The following GSE1 variants were observed in gnomAD, a reference collection of about 807,000 sequenced individuals.
The protein encoded by GSE1 is genetic suppressor element 1.
GSE1 carries 32 observed loss-of-function variants against 112.6 expected under a neutral mutation model. That is an observed-to-expected ratio of 0.28 (90% confidence interval 0.21 to 0.38). The LOEUF (loss-of-function observed/expected upper bound fraction) is 0.38. Ranked by LOEUF, GSE1 falls within the 10% of genes least tolerant of loss-of-function variation. GSE1 has a pLI of 1.00. For synonymous variants in GSE1, 1,115 were observed against 735.6 expected, an observed-to-expected ratio of 1.52 and a Z score of -8.35; for missense variants, 2,348 against 1,699.2, an observed-to-expected ratio of 1.38 and a Z score of -6.71.
At chr16:85,388,753 T>C (rs980038535) in intron 2 of GSE1, among the ~76,000 whole-genome samples, 1 of 151,848 alleles carries the variant, frequency 6.6e-6, no homozygotes, top group Non-Finnish European at 1.5e-5. Flanking sequence ...GAAGGAAAGA[T>C]GGAAAAAGGG....
chr16:85,195,073 A>G (rs2074901414), intron 1 of GSE1, among the ~76,000 whole-genome samples: 1 of 152,168 alleles, frequency 6.6e-6, no homozygotes, highest in African/African-American at 2.4e-5. Context: ...CCACCATCCA[A>G]TCGCAGGCAT....
chr16:85,454,662 G>A (rs76987609), intron 2 of GSE1, among the ~76,000 whole-genome samples: 3,082 of 152,318 alleles, frequency 0.02, 94 homozygotes, highest in African/African-American at 0.07. Flanking sequence ...AGGCCCTGGC[G>A]GAGGATCTGT....
intron 2 of GSE1, among the ~76,000 whole-genome samples, chr16:85,371,031 C>T (rs1373389846): frequency 1.3e-5 from 2 of 152,220 alleles, no homozygotes; most frequent in East Asian, 3.9e-4. Context: ...CCCTCGCGCT[C>T]TCTTCTGGGG....
chr16:85,308,588 T>C (rs2045744345), intron 1 of GSE1, among the ~76,000 whole-genome samples: 1 of 152,160 alleles, frequency 6.6e-6, no homozygotes, highest in Non-Finnish European at 1.5e-5. Context: ...CCTTCTCATC[T>C]ATTTATTAAA....
Position 85,673,952 on chromosome 16 carries a change from G to GAACTT in GSE1, c.*1415_*1419dup. On this transcript the variant is annotated 3_prime_UTR_variant, in exon 16 of 16. Coordinates refer to ENST00000253458, the MANE Select transcript of GSE1 (RefSeq NM_014615.5). The stretch of plus-strand genomic sequence containing the variant: ...GGTCTGAGCTGAACCCCTCCTTTTT[G>GAACTT]AACTTACTGTGACAAGCACAGGAAC... 6.6e-6 allele frequency: 1 copy of GAACTT among 152,334 alleles called. No individual in the cohort carries two copies. Among genetic ancestry groups the GAACTT allele is most frequent in the Middle Eastern group, 3.4e-3 (1 of 294 alleles). 9.4% of individuals were successfully genotyped at this position (152,334 alleles called of 1,614,324 possible). A position where few individuals can be genotyped will look rare whatever the true frequency, so the allele number is the denominator to read the frequency against.
chr16:85,225,573 A>G (rs2075471074), intron 1 of GSE1, among the ~76,000 whole-genome samples: 1 of 152,184 alleles, frequency 6.6e-6, no homozygotes, highest in African/African-American at 2.4e-5. Context: ...TGCCGGGTAG[A>G]GAGCTGCTGC....
At chr16:85,227,449 T>C (rs1474957797) in intron 1 of GSE1, among the ~76,000 whole-genome samples, 1 of 152,130 alleles carries the variant, frequency 6.6e-6, no homozygotes, top group Non-Finnish European at 1.5e-5. Flanking sequence ...GAATGGGCTT[T>C]TGAGGGATGT....
At chr16:85,621,313 G>C (rs1337805503) in intron 1 of GSE1, among the ~76,000 whole-genome samples, 1 of 152,116 alleles carries the variant, frequency 6.6e-6, no homozygotes, top group Non-Finnish European at 1.5e-5. Flanking sequence ...GGGTCTCTGC[G>C]GTGTTGGGGG....
chr16:85,474,771 C>T (rs1317414513), intron 2 of GSE1, among the ~76,000 whole-genome samples: 3 of 151,996 alleles, frequency 2.0e-5, no homozygotes, highest in East Asian at 1.9e-4. Flanking sequence ...GAAACTGAGC[C>T]TCCAGGACCC....
In GSE1 at chr16:85,182,273, T is replaced by C. The variant is rs368526846; in HGVS notation, c.2283+10466T>C. Among the ~76,000 whole-genome samples the C allele has an allele frequency of 7.9e-4, 120 of 152,250 alleles. 1 individual carries two copies. In the Middle Eastern group the frequency reaches 0.014, roughly 17 times the overall value. On this transcript the variant is annotated intron_variant, in intron 1 of 2. Transcript: ENST00000637419. Reference sequence around the variant, plus strand: ...CTCGTACAGAAGGCCAGAATGTACCTGGTGGACCCCAGGGCGTGCAGAATG... The same window carrying C: ...CTCGTACAGAAGGCCAGAATGTACCCGGTGGACCCCAGGGCGTGCAGAATG...
At chr16:85,191,495 G>A (rs1382977266) in intron 1 of GSE1, among the ~76,000 whole-genome samples, 1 of 152,124 alleles carries the variant, frequency 6.6e-6, no homozygotes, top group African/African-American at 2.4e-5. Flanking sequence ...AGGAATTTTG[G>A]AAAGTTCAGA....
At chr16:85,615,133 C>T (rs973326317) in intron 1 of GSE1, among the ~76,000 whole-genome samples, 25 of 152,306 alleles carry the variant, frequency 1.6e-4, no homozygotes, top group African/African-American at 5.3e-4. Flanking sequence ...TGTTGCTCAC[C>T]CTGTGTTTAC....
intron 1 of GSE1, among the ~76,000 whole-genome samples, chr16:85,224,894 C>A (rs1303896672): frequency 2.6e-5 from 4 of 151,680 alleles, no homozygotes; most frequent in Non-Finnish European, 4.4e-5. Context: ...CTTTGGGAGG[C>A]CGAGATGGGC....
At chr16:85,460,863 G>A (rs1431644466) in intron 2 of GSE1, among the ~76,000 whole-genome samples, 1 of 152,248 alleles carries the variant, frequency 6.6e-6, no homozygotes, top group Non-Finnish European at 1.5e-5. Flanking sequence ...TCAGACCCAG[G>A]GGACCGTGAG....
intron 1 of GSE1, among the ~76,000 whole-genome samples, chr16:85,340,315 A>C (rs1221912376): frequency 6.6e-6 from 1 of 152,088 alleles, no homozygotes; most frequent in Non-Finnish European, 1.5e-5. Flanking sequence ...GCACCACTGC[A>C]CTCCAGCCTA....
At chr16:85,386,611 G>A (rs1375003021) in intron 2 of GSE1, among the ~76,000 whole-genome samples, 1 of 152,206 alleles carries the variant, frequency 6.6e-6, no homozygotes, top group African/African-American at 2.4e-5. Context: ...TGTGTGGCCT[G>A]GAGGAGATGC....
exon 1 of GSE1, chr16:85,171,033 C>A (rs556136571): frequency 1.0e-5 from 10 of 985,724 alleles, no homozygotes; most frequent in African/African-American, 3.5e-5. Flanking sequence ...TCAACGGCAA[C>A]GCCAGGAGCG....
intron 2 of GSE1, among the ~76,000 whole-genome samples, chr16:85,465,501 T>C (rs2050098772): frequency 6.6e-6 from 1 of 152,234 alleles, no homozygotes. Context: ...TAGGGGTAAG[T>C]GCATCAGTCC....
chr16:85,537,870 G>A (rs1024970636), intron 2 of GSE1, among the ~76,000 whole-genome samples: 17 of 152,246 alleles, frequency 1.1e-4, no homozygotes, highest in South Asian at 2.1e-4. Flanking sequence ...TGGAGTTTGT[G>A]TTTGAGTACA....
Sources: allele counts gnomAD v4.1 joint callset (sites outside exome capture counted in the v4.1 genomes callset), GRCh38; gene constraint gnomAD v4.1.1; transcripts MANE v1.5; gene names NCBI Gene and HGNC (gene_info 2026-07-23, HGNC 2026-07-21).